Variants in CHFR observed in about 807,000 individuals in gnomAD.
The protein encoded by CHFR is E3 ubiquitin-protein ligase CHFR.
A neutral mutation model predicts 87.6 loss-of-function variants in CHFR; 57 were observed. The observed-to-expected ratio is 0.65, with a 90% CI of 0.53 to 0.81. The LOEUF is 0.81. CHFR is among the 30% of genes least tolerant of loss of function. The pLI, the probability that CHFR is intolerant of heterozygous loss-of-function variation, is 0.00. For synonymous variants in CHFR, 381 were observed against 359.2 expected, an observed-to-expected ratio of 1.06 and a Z score of -0.69; for missense variants, 797 against 865.8, an observed-to-expected ratio of 0.92 and a Z score of 1.00.
At chr12:132,855,421 C>G (rs1834106944) in intron 10 of CHFR, among the ~76,000 whole-genome samples, 1 of 151,456 alleles carries the variant, frequency 6.6e-6, no homozygotes, top group Non-Finnish European at 1.5e-5. Flanking sequence ...AATCCCAGCA[C>G]TTTGGGAGGT....
chr12:132,861,418 C>A (rs768006499), intron 7 of CHFR, 49 bp downstream of exon 7: 1 of 1,590,024 alleles, frequency 6.3e-7, no homozygotes, highest in Non-Finnish European at 8.6e-7. Context: ...CCCCCGCATG[C>A]CCCAGGAGCA....
chr12:132,856,459 A>G lies in CHFR; in HGVS notation c.1229+9T>C. On this transcript the variant is annotated intron_variant, in intron 10 of 17. Transcript: ENST00000450056. ...ACACACTCTGCTCTGAGCCAGGGGC[A>G]TGATTTACCTAATGTCTGAGGACTC... 6.2e-7 allele frequency: 1 copy of G among 1,613,696 alleles called. No homozygotes were observed. Among genetic ancestry groups the G allele is most frequent in the Non-Finnish European group, 8.5e-7 (1 of 1,179,980 alleles).
chr12:132,855,921 G>A (rs191741891), intron 10 of CHFR, among the ~76,000 whole-genome samples: 1 of 152,096 alleles, frequency 6.6e-6, no homozygotes, highest in African/African-American at 2.4e-5. Context: ...CCCCGGTCTT[G>A]TGCATTAGGA....
At chr12:132,845,362 G>A (rs1319961814) in intron 15 of CHFR, among the ~76,000 whole-genome samples, 2 of 152,054 alleles carry the variant, frequency 1.3e-5, no homozygotes, top group Non-Finnish European at 2.9e-5. Context: ...AGGAGGCTGA[G>A]GCAGGACAAT....
chr12:132,844,170 T>C, intron 15 of CHFR, 36 bp from the exon 16 acceptor site: 3 of 1,275,210 alleles, frequency 2.4e-6, no homozygotes, highest in Non-Finnish European at 3.4e-6. Context: ...AGCAACACCA[T>C]CTTCCCAACA....
chr12:132,873,945 G>A (rs774738670), intron 3 of CHFR, among the ~76,000 whole-genome samples: 1 of 152,208 alleles, frequency 6.6e-6, no homozygotes, highest in African/African-American at 2.4e-5. Flanking sequence ...CTCACCACAC[G>A]CTCCGACCAC....
At chr12:132,878,513 A>G (rs1050497906) in intron 2 of CHFR, among the ~76,000 whole-genome samples, 11 of 151,586 alleles carry the variant, frequency 7.3e-5, no homozygotes, top group Admixed American at 2.6e-4. Flanking sequence ...GCTTGCATAC[A>G]CAGCTAACCT....
intron 7 of CHFR, 27 bp from the exon 8 acceptor site, chr12:132,859,254 C>A (rs374375176): frequency 6.3e-7 from 1 of 1,594,844 alleles, no homozygotes; most frequent in Admixed American, 1.7e-5. Context: ...TGTGTTCTGT[C>A]GTAACCAAGA....
At position 132,887,535 on chromosome 12, in the gene CHFR, A is replaced by G. The variant is rs1366397739; in HGVS notation, c.-13+12T>C. 5.1e-5 allele frequency: 9 copies of G among 176,884 alleles called. No homozygotes were observed. The highest frequency in any genetic ancestry group is 7.7e-5 in the Non-Finnish European group (7 of 90,874). 11.0% of individuals were successfully genotyped at this position (176,884 alleles called of 1,614,324 possible). A position where few individuals can be genotyped will look rare whatever the true frequency, so the allele number is the denominator to read the frequency against. On this transcript the variant is annotated intron_variant, in intron 1 of 17. Coordinates refer to ENST00000450056, the MANE Select transcript of CHFR (RefSeq NM_001161346.2). ...CGCCGCCCGCCGCAGCCCCCTCGCCAGCCGCGCTTACCCCCGCCCCGCGCC... is the reference window on the plus strand; with the variant it reads ...CGCCGCCCGCCGCAGCCCCCTCGCCGGCCGCGCTTACCCCCGCCCCGCGCC...
chr12:132,850,156 T>C (rs181555253), intron 12 of CHFR, among the ~76,000 whole-genome samples: 1 of 152,248 alleles, frequency 6.6e-6, no homozygotes, highest in Admixed American at 6.5e-5. Flanking sequence ...GATTTCACCA[T>C]GTTAGCCAGG....
At chr12:132,868,134 G>A (rs1310883866) in intron 6 of CHFR, among the ~76,000 whole-genome samples, 1 of 152,100 alleles carries the variant, frequency 6.6e-6, no homozygotes, top group Non-Finnish European at 1.5e-5. Context: ...AACAGCATCT[G>A]CAAAACTAGT....
intron 6 of CHFR, among the ~76,000 whole-genome samples, chr12:132,863,965 T>C (rs1285326136): frequency 6.6e-6 from 1 of 151,988 alleles, no homozygotes; most frequent in Non-Finnish European, 1.5e-5. Context: ...GGTCTTGCCA[T>C]TTTACCCAGG....
chr12:132,839,850 C>CG lies in CHFR; in HGVS notation c.*1703_*1704insC. On this transcript the variant is annotated 3_prime_UTR_variant, in exon 18 of 18. Coordinates refer to ENST00000450056, the MANE Select transcript of CHFR (RefSeq NM_001161346.2). The stretch of plus-strand genomic sequence containing the variant: ...GCCCCTGCACAAACTCGGGATCTCC[C>CG]CTCTCAGCCTCGCCCCTGCACTAAC... 5.9e-6 allele frequency: 1 copy of CG among 170,558 alleles called. No individual in the cohort carries two copies. Among genetic ancestry groups the CG allele is most frequent in the South Asian group, 9.5e-5 (1 of 10,502 alleles). 10.6% of individuals were successfully genotyped at this position (170,558 alleles called of 1,614,324 possible). A position where few individuals can be genotyped will look rare whatever the true frequency, so the allele number is the denominator to read the frequency against.
In CHFR at chr12:132,857,612, C is replaced by T. The variant is rs375571065; in HGVS notation, c.912-53G>A. On this transcript the variant is annotated intron_variant, in intron 8 of 17. Transcript: ENST00000450056. ...GACAGTCCCACAGATGCAACCGCGA[C>T]CCTCGACCAAGGTCCGCAGCAGCCC... is the stretch of plus-strand genomic sequence containing the variant. 7.6e-6 allele frequency: 12 copies of T among 1,576,502 alleles called. No homozygotes were observed. In the African/African-American group the frequency reaches 1.5e-4, roughly 19 times the overall value.
At position 132,870,728 on chromosome 12, in the gene CHFR, G is replaced by T. The variant is rs1443614623; in HGVS notation, c.399C>A (p.Ser133=). 6.2e-7 allele frequency: 1 copy of T among 1,605,546 alleles called. No homozygotes were observed. Among genetic ancestry groups the T allele is most frequent in the African/African-American group, 1.3e-5 (1 of 74,780 alleles). The change falls in exon 5 of 18, where the codon TCC becomes TCA. Residue 133 remains serine (S), a synonymous_variant. Coordinates refer to ENST00000450056, the MANE Select transcript of CHFR (RefSeq NM_001161346.2). ...LSEKQGMTQE[S]FDTSGAGAGR... is the part of the protein sequence containing the mutation. ...CTTTGCTACACTCTTACTTACCAAA[G>T]GATTCTTGTGTCATGCCTTGCTTTT...
chr12:132,880,897 G>A (rs1220442378), intron 2 of CHFR, among the ~76,000 whole-genome samples: 1 of 151,952 alleles, frequency 6.6e-6, no homozygotes, highest in Non-Finnish European at 1.5e-5. Flanking sequence ...CCCAGGAAGC[G>A]GAGGTTACAG....
Position 132,857,433 on chromosome 12 carries a change from G to A in CHFR, c.1038C>T (p.Leu346=), listed in dbSNP as rs191062458. Residue 346 remains leucine (L), a synonymous_variant, in exon 9 of 18, where the codon CTC becomes CTT. Coordinates refer to ENST00000450056, the MANE Select transcript of CHFR (RefSeq NM_001161346.2). ...RICKNHILNN[L]VEAYLIQHPD... is the part of the protein sequence containing the mutation. The stretch of plus-strand genomic sequence containing the variant: ...GATGCTGGATGAGGTATGCTTCCAC[G>A]AGGTTGTTGAGGATGTGGTTTTTAC... The A allele has an allele frequency of 5.5e-5, 89 of 1,614,140 alleles. No individual in the cohort carries two copies. The Admixed American group carries it at 9.2e-4, about 17-fold the overall frequency.
At chr12:132,863,199 C>T (rs1289274755) in intron 6 of CHFR, among the ~76,000 whole-genome samples, 1 of 147,568 alleles carries the variant, frequency 6.8e-6, no homozygotes, top group Non-Finnish European at 1.5e-5. Flanking sequence ...CCCGGCCTGA[C>T]CTCATTTCTT....
At chr12:132,873,872 C>G (rs1007729059) in intron 3 of CHFR, among the ~76,000 whole-genome samples, 4 of 152,210 alleles carry the variant, frequency 2.6e-5, no homozygotes, top group African/African-American at 9.7e-5. Context: ...TCCGCTTACA[C>G]CCCTTTGATG....
Sources: gnomAD v4.1 joint callset for allele counts (sites outside exome capture counted in the v4.1 genomes callset) on GRCh38, gnomAD v4.1.1 for gene constraint, MANE v1.5 for transcripts, NCBI Gene and HGNC (gene_info 2026-07-23, HGNC 2026-07-21) for gene names.